PCSK2: variants seen among roughly 807,000 people sequenced by gnomAD.
The protein encoded by PCSK2 is neuroendocrine convertase 2.
PCSK2 carries 14 observed loss-of-function variants against 69.7 expected under a neutral mutation model. That is an observed-to-expected ratio of 0.20 (90% confidence interval 0.13 to 0.31). The LOEUF (loss-of-function observed/expected upper bound fraction) is 0.31. PCSK2 is among the 10% of genes least tolerant of loss of function. The pLI, the probability that PCSK2 is intolerant of heterozygous loss-of-function variation, is 1.00. For synonymous variants in PCSK2, 307 were observed against 320.7 expected (o/e 0.96, Z 0.46); for missense variants, 544 against 842.5 (o/e 0.65, Z 4.39).
At chr20:17,348,059 GAAA>G (rs1214276731) in intron 2 of PCSK2, among the ~76,000 whole-genome samples, 1 of 60,700 alleles carries the variant, frequency 1.6e-5, no homozygotes, top group African/African-American at 6.6e-5. Context: ...AGGAAAGAAA[GAAA>G]GAAAGAAAGA....
intron 5 of PCSK2, among the ~76,000 whole-genome samples, chr20:17,382,812 C>T (rs1324690737): frequency 6.6e-6 from 1 of 152,152 alleles, no homozygotes; most frequent in Non-Finnish European, 1.5e-5. Context: ...CCCTGTGAGA[C>T]TTAGCCTGTT....
At chr20:17,348,106 A>G (rs1409373571) in intron 2 of PCSK2, among the ~76,000 whole-genome samples, 5 of 151,196 alleles carry the variant, frequency 3.3e-5, no homozygotes, top group Non-Finnish European at 7.4e-5. Context: ...AAAGAAAGAA[A>G]AGAAAAGAAA....
At chr20:17,275,964 A>T (rs1193237157) in intron 2 of PCSK2, among the ~76,000 whole-genome samples, 1 of 152,114 alleles carries the variant, frequency 6.6e-6, no homozygotes, top group Non-Finnish European at 1.5e-5. Flanking sequence ...GGGTAATAAT[A>T]ATATTACTTA....
At chr20:17,401,085 A>G (rs1205692384) in intron 5 of PCSK2, among the ~76,000 whole-genome samples, 1 of 152,150 alleles carries the variant, frequency 6.6e-6, no homozygotes, top group East Asian at 1.9e-4. Flanking sequence ...ATATTGCCAA[A>G]TTTCTCTTCA....
At position 17,265,054 on chromosome 20, in the gene PCSK2, C is replaced by T. The variant is rs144240019; in HGVS notation, c.282+4710C>T. Among the ~76,000 whole-genome samples the T allele has an allele frequency of 9.1e-3, 1,387 of 152,098 alleles. 13 individuals are homozygous for T. Among genetic ancestry groups the T allele is most frequent in the East Asian group, 0.024 (125 of 5,152 alleles). On this transcript the variant is annotated intron_variant, in intron 2 of 11. Transcript: ENST00000262545. ...AATTTTTGTATTTTTGGTAGAGATACGGTTTCACCATGTTGGCCGGGCTGG... is the reference window on the plus strand; with the variant it reads ...AATTTTTGTATTTTTGGTAGAGATATGGTTTCACCATGTTGGCCGGGCTGG...
At chr20:17,405,837 T>G (rs1285510200) in intron 5 of PCSK2, among the ~76,000 whole-genome samples, 1 of 152,160 alleles carries the variant, frequency 6.6e-6, no homozygotes, top group South Asian at 2.1e-4. Flanking sequence ...CAGAAGTTTC[T>G]CCCAGAAATA....
chr20:17,303,453 TATTAA>T (rs1400755932), intron 2 of PCSK2, among the ~76,000 whole-genome samples: 2 of 104,748 alleles, frequency 1.9e-5, no homozygotes, highest in African/African-American at 4.0e-5. Flanking sequence ...ATATATATTA[TATTAA>T]ATATAATATA....
chr20:17,242,920 T>G (rs1986635259), intron 1 of PCSK2, among the ~76,000 whole-genome samples: 1 of 152,230 alleles, frequency 6.6e-6, no homozygotes, highest in African/African-American at 2.4e-5. Flanking sequence ...TGTTTCTCAT[T>G]GGTGGGTTTT....
chr20:17,461,825 C>T (rs1195585256), intron 10 of PCSK2, among the ~76,000 whole-genome samples: 1 of 152,178 alleles, frequency 6.6e-6, no homozygotes, highest in African/African-American at 2.4e-5. Flanking sequence ...AGGATAAATG[C>T]TTGAGGTGAT....
At chr20:17,298,598 T>C (rs776228334) in intron 2 of PCSK2, among the ~76,000 whole-genome samples, 12 of 152,232 alleles carry the variant, frequency 7.9e-5, no homozygotes, top group Non-Finnish European at 1.2e-4. Context: ...ATATTACTCA[T>C]TGTATTTAAA....
chr20:17,276,116 T>C (rs1437893411), intron 2 of PCSK2, among the ~76,000 whole-genome samples: 1 of 152,194 alleles, frequency 6.6e-6, no homozygotes, highest in Non-Finnish European at 1.5e-5. Context: ...GCCTATGTAG[T>C]AGCATTTTTG....
chr20:17,276,537 A>C (rs1403502513), intron 2 of PCSK2, among the ~76,000 whole-genome samples: 1 of 151,930 alleles, frequency 6.6e-6, no homozygotes, highest in Non-Finnish European at 1.5e-5. Flanking sequence ...AGATGGGGCT[A>C]GGTTAATATT....
At chr20:17,407,414 A>G (rs1481457871) in intron 5 of PCSK2, among the ~76,000 whole-genome samples, 1 of 152,132 alleles carries the variant, frequency 6.6e-6, no homozygotes, top group Non-Finnish European at 1.5e-5. Flanking sequence ...TTAAGTTTCA[A>G]TCTCAGCTTT....
At chr20:17,467,556 T>C (rs867755037) in intron 11 of PCSK2, among the ~76,000 whole-genome samples, 5 of 152,322 alleles carry the variant, frequency 3.3e-5, no homozygotes, top group Middle Eastern at 3.4e-3. Context: ...GAGGAGGAGC[T>C]AATGCCACTC....
At chr20:17,271,952 A>G (rs931958631) in intron 2 of PCSK2, among the ~76,000 whole-genome samples, 1 of 152,108 alleles carries the variant, frequency 6.6e-6, no homozygotes, top group Non-Finnish European at 1.5e-5. Flanking sequence ...TGACTTCATT[A>G]TTTGCCAAGG....
chr20:17,450,995 C>A (rs969528896), intron 8 of PCSK2, among the ~76,000 whole-genome samples: 42 of 152,234 alleles, frequency 2.8e-4, no homozygotes, highest in African/African-American at 9.4e-4. Flanking sequence ...TTTCTGCCCC[C>A]AGAACTAGAG....
At chr20:17,295,829 TA>T (rs1988873940) in intron 2 of PCSK2, among the ~76,000 whole-genome samples, 2 of 152,136 alleles carry the variant, frequency 1.3e-5, no homozygotes, top group South Asian at 4.1e-4. Flanking sequence ...GTGGTGGGAT[TA>T]CATGTGTGAG....
intron 6 of PCSK2, among the ~76,000 whole-genome samples, chr20:17,429,167 CTTGT>C (rs997579212): frequency 1.3e-5 from 2 of 151,872 alleles, no homozygotes; most frequent in Non-Finnish European, 2.9e-5. Context: ...TCAGCTTATA[CTTGT>C]TTTATTTCTC....
upstream of PCSK2, chr20:17,226,520 TGAGAGAGAGAGAAAGA>T (rs1390100929): frequency 2.3e-5 from 3 of 132,098 alleles, no homozygotes; most frequent in Non-Finnish European, 4.7e-5. Flanking sequence ...TGTGTGTGTT[TGAGAGAGAGAGAAAGA>T]GAGAGAGAGA....
Sources: gnomAD v4.1 joint callset for allele counts (sites outside exome capture counted in the v4.1 genomes callset) on GRCh38, gnomAD v4.1.1 for gene constraint, MANE v1.5 for transcripts, NCBI Gene and HGNC (gene_info 2026-07-23, HGNC 2026-07-21) for gene names.